NFU1: variants seen among roughly 807,000 people sequenced by gnomAD.
NFU1 encodes NFU1 iron-sulfur cluster scaffold homolog, mitochondrial.
A neutral mutation model predicts 32.2 loss-of-function variants in NFU1; 30 were observed. The ratio of observed to expected loss-of-function variants is 0.93; its 90% CI spans 0.70 to 1.26. NFU1 has a LOEUF of 1.26. NFU1 is among the 50% of genes most tolerant of loss of function. The pLI is 0.00. For synonymous variants in NFU1, 112 were observed against 104.6 expected, an observed-to-expected ratio of 1.07 and a Z score of -0.43; for missense variants, 306 against 306.6, an observed-to-expected ratio of 1.00 and a Z score of 0.02.
chr2:69,424,023 A>G (rs1409632838), intron 2 of NFU1, among the ~76,000 whole-genome samples: 1 of 151,304 alleles, frequency 6.6e-6, no homozygotes, highest in African/African-American at 2.4e-5. Flanking sequence ...AAATACAAAA[A>G]TTAGCCAGGC....
chr2:69,434,754 G>A (rs1387523549), intron 1 of NFU1, among the ~76,000 whole-genome samples: 2 of 152,192 alleles, frequency 1.3e-5, no homozygotes, highest in Non-Finnish European at 2.9e-5. Context: ...CATCAAGACA[G>A]GGGATTTGCA....
At chr2:69,419,626 G>C (rs1673176326) in intron 3 of NFU1, 22 bp from the exon 4 acceptor site, 1 of 1,417,506 alleles carries the variant, frequency 7.1e-7, no homozygotes, top group African/African-American at 1.4e-5. Flanking sequence ...GAAAAAATAA[G>C]AGATATTAAA....
chr2:69,419,679 A>G (rs1673177924), intron 3 of NFU1, 75 bp from the exon 4 acceptor site: 2 of 875,172 alleles, frequency 2.3e-6, no homozygotes, highest in Non-Finnish European at 3.7e-6. Flanking sequence ...AAAAGTAGAG[A>G]AAAGTAAAAA....
At chr2:69,398,466 T>G (rs1012352577) in intron 7 of NFU1, among the ~76,000 whole-genome samples, 2 of 152,206 alleles carry the variant, frequency 1.3e-5, no homozygotes, top group African/African-American at 4.8e-5. Context: ...TAGGAATGCC[T>G]CTAAGTTTTC....
At chr2:69,397,911 T>A (rs1489466513) in intron 7 of NFU1, among the ~76,000 whole-genome samples, 2 of 76,014 alleles carry the variant, frequency 2.6e-5, no homozygotes, top group Non-Finnish European at 4.5e-5. Context: ...TGAAACTACG[T>A]CTCAAAAAAA....
Position 69,423,827 on chromosome 2 carries a change from A to C in NFU1, c.167-110T>G, listed in dbSNP as rs1673350152. 21 of 809,550 alleles carry C rather than the reference A, an allele frequency of 2.6e-5. No individual in the cohort carries two copies. In the South Asian group the frequency reaches 3.3e-4, roughly 13 times the overall value. 50.1% of individuals were successfully genotyped at this position (809,550 alleles called of 1,614,324 possible). Reference sequence around the variant, plus strand: ...CAGAAGAAGTAAGAAAAACTGGGGAAAAACCCAAGGCTTTATTGCCCTGAC... The same window carrying C: ...CAGAAGAAGTAAGAAAAACTGGGGACAAACCCAAGGCTTTATTGCCCTGAC... On this transcript the variant is annotated intron_variant, in intron 2 of 7. Coordinates refer to ENST00000410022, the MANE Select transcript of NFU1 (RefSeq NM_001002755.4).
intron 7 of NFU1, among the ~76,000 whole-genome samples, chr2:69,396,512 T>C (rs1672339324): frequency 6.6e-6 from 1 of 151,908 alleles, no homozygotes; most frequent in African/African-American, 2.4e-5. Flanking sequence ...ATACAAAAAA[T>C]TAGCCAGGCG....
intron 1 of NFU1, 108 bp from the exon 2 acceptor site, chr2:69,432,113 C>T: frequency 1.4e-6 from 1 of 717,124 alleles, no homozygotes; most frequent in Non-Finnish European, 2.5e-6. Flanking sequence ...TAAACATAAC[C>T]CGCAATAGAA....
At chr2:69,407,691 A>G (rs1405148413) in intron 5 of NFU1, among the ~76,000 whole-genome samples, 1 of 136,076 alleles carries the variant, frequency 7.3e-6, no homozygotes, top group Non-Finnish European at 1.6e-5. Flanking sequence ...AAAAAAAAAA[A>G]GAAAAGAAAA....
intron 7 of NFU1, chr2:69,399,310 G>A (rs1044510920): frequency 4.5e-6 from 2 of 448,944 alleles, no homozygotes; most frequent in Non-Finnish European, 8.9e-6. Context: ...CTCTCCATAA[G>A]GCCATGCTTT....
intron 5 of NFU1, among the ~76,000 whole-genome samples, chr2:69,409,986 G>C (rs893524782): frequency 1.3e-5 from 2 of 152,114 alleles, no homozygotes; most frequent in Admixed American, 1.3e-4. Flanking sequence ...TATTAACATT[G>C]ATGAACTACT....
intron 6 of NFU1, among the ~76,000 whole-genome samples, chr2:69,404,024 G>A (rs1232922800): frequency 6.7e-6 from 1 of 150,280 alleles, no homozygotes; most frequent in Non-Finnish European, 1.5e-5. Flanking sequence ...ATTTTTAATA[G>A]AGACAGGGTT....
chr2:69,439,185 C>T (rs931272194), upstream of NFU1, among the ~76,000 whole-genome samples: 11 of 152,126 alleles, frequency 7.2e-5, no homozygotes, highest in African/African-American at 2.2e-4. Flanking sequence ...ACCCCTGAAA[C>T]GAGGCTTCTA....
At chr2:69,414,479 G>C (rs541985564) in intron 5 of NFU1, among the ~76,000 whole-genome samples, 1 of 151,960 alleles carries the variant, frequency 6.6e-6, no homozygotes, top group Non-Finnish European at 1.5e-5. Flanking sequence ...TTAGCTGGGT[G>C]TGGTGGTGCA....
rs199682373 is a variant in NFU1, at chr2:69,408,012, C to CA, written c.485-1931dup. The stretch of plus-strand genomic sequence containing the variant: ...TGGGCAACAGAGTGAGACCCCACCT[C>CA]AAAAAAAAAAAAAAAATAGATAATT... On this transcript the variant is annotated intron_variant, in intron 5 of 7. Transcript: ENST00000410022. 1.6e-3 allele frequency among the ~76,000 whole-genome samples: 194 copies of CA among 124,558 alleles called. 1 individual carries two copies. Among genetic ancestry groups the CA allele is most frequent in the South Asian group, 6.4e-3 (25 of 3,912 alleles). The allele number at this position is 124,558 out of a possible 152,430, so 81.7% of individuals were successfully genotyped here.
In NFU1 at chr2:69,424,219, A is replaced by C. The variant is rs564512770; in HGVS notation, c.167-502T>G. On this transcript the variant is annotated intron_variant, in intron 2 of 7. Transcript: ENST00000410022. ...AAAAAATATATATATATATATATATATCTCAATATATTTAAGTGCATATAG... is the reference window on the plus strand; with the variant it reads ...AAAAAATATATATATATATATATATCTCTCAATATATTTAAGTGCATATAG... 7.1e-3 allele frequency among the ~76,000 whole-genome samples: 905 copies of C among 126,792 alleles called. 10 individuals carry two copies. Among genetic ancestry groups the C allele is most frequent in the African/African-American group, 0.02 (689 of 34,874 alleles). The allele number at this position is 126,792 out of a possible 152,430, so 83.2% of individuals were successfully genotyped here.
intron 2 of NFU1, among the ~76,000 whole-genome samples, chr2:69,424,198 A>AATATATATATATATATATATAT (rs1177261342): frequency 1.9e-4 from 14 of 74,520 alleles, no homozygotes; most frequent in African/African-American, 3.7e-4. Flanking sequence ...AAAAAAAAAA[A>AATATATATATATATATATATAT]ATATATATAT....
chr2:69,439,509 C>T (rs1240543895), upstream of NFU1, among the ~76,000 whole-genome samples: 3 of 152,172 alleles, frequency 2.0e-5, no homozygotes, highest in African/African-American at 4.8e-5. Context: ...TCAAGATTTA[C>T]TACAAAGAGC....
chr2:69,406,834 A>C lies in NFU1; in HGVS notation c.485-752T>G, dbSNP rs1574117628. ...TCTCATCTTGAACTTCAGTTCCCAT[A>C]ATCCCTATGTGTTGTGGGAGGGAGC... On this transcript the variant is annotated intron_variant, in intron 5 of 7. Transcript: ENST00000410022. 2.0e-5 allele frequency among the ~76,000 whole-genome samples: 3 copies of C among 152,238 alleles called. No individual in the cohort carries two copies. The South Asian group carries it at 6.2e-4, about 32-fold the overall frequency.
Sources: gnomAD v4.1 joint callset for allele counts (sites outside exome capture counted in the v4.1 genomes callset) on GRCh38, gnomAD v4.1.1 for gene constraint, MANE v1.5 for transcripts, NCBI Gene and HGNC (gene_info 2026-07-23, HGNC 2026-07-21) for gene names.